CSMD1: variants seen among roughly 807,000 people sequenced by gnomAD.
CSMD1 encodes CUB and Sushi multiple domains 1.
In CSMD1, 213 loss-of-function variants were observed where a neutral mutation model predicts 417.5. The observed-to-expected ratio is 0.51, with a 90% CI of 0.46 to 0.57. The LOEUF (loss-of-function observed/expected upper bound fraction) is 0.57. CSMD1 is among the 20% of genes least tolerant of loss of function. The pLI is 0.00. For missense variants in CSMD1, 6,923 were observed against 4,529.7 expected (o/e 1.53, Z -15.17); for synonymous variants, 2,862 against 1,736.8 (o/e 1.65, Z -16.11).
At chr8:4,289,000 C>T (rs567221861) in intron 3 of CSMD1, among the ~76,000 whole-genome samples, 1 of 152,208 alleles carries the variant, frequency 6.6e-6, no homozygotes, top group African/African-American at 2.4e-5. Context: ...AAAAACACAG[C>T]ACCATCTTTC....
chr8:2,957,473 C>G (rs765072957), intron 63 of CSMD1, among the ~76,000 whole-genome samples: 7 of 152,200 alleles, frequency 4.6e-5, no homozygotes, highest in Non-Finnish European at 7.3e-5. Flanking sequence ...TCCAGAGGCT[C>G]TGGTTCAAGG....
In CSMD1 at chr8:3,573,611, G is replaced by C. The variant is rs537512432; in HGVS notation, c.1344+1334C>G. On this transcript the variant is annotated intron_variant, in intron 10 of 69. Transcript: ENST00000635120. ...TAAAATAAGCCAACCAAAACCAAAG[G>C]CATCTGTGATGAACACTTTACGGAA... Among the ~76,000 whole-genome samples, 10 of 152,170 alleles carry C rather than the reference G, an allele frequency of 6.6e-5. No homozygotes were observed. In the East Asian group the frequency reaches 1.7e-3, roughly 26 times the overall value.
intron 2 of CSMD1, among the ~76,000 whole-genome samples, chr8:4,576,184 A>G (rs1229909965): frequency 6.6e-6 from 1 of 152,226 alleles, no homozygotes; most frequent in Non-Finnish European, 1.5e-5. Flanking sequence ...ACTAAGCTGT[A>G]TCAGCTCTGT....
intron 12 of CSMD1, among the ~76,000 whole-genome samples, chr8:3,413,421 G>A (rs1812939001): frequency 6.6e-6 from 1 of 152,180 alleles, no homozygotes; most frequent in South Asian, 2.1e-4. Flanking sequence ...TGTTTATCCT[G>A]ATGCATGGCT....
intron 1 of CSMD1, among the ~76,000 whole-genome samples, chr8:4,693,948 G>A (rs914414924): frequency 2.0e-5 from 3 of 152,164 alleles, no homozygotes; most frequent in African/African-American, 7.2e-5. Context: ...TATTGTCCAT[G>A]TCATCACATA....
At chr8:2,962,027 G>T (rs1384830116) in intron 61 of CSMD1, among the ~76,000 whole-genome samples, 1 of 152,004 alleles carries the variant, frequency 6.6e-6, no homozygotes, top group East Asian at 1.9e-4. Flanking sequence ...AAAATTAGTA[G>T]AACACCCATT....
At chr8:3,437,893 G>A (rs1284842046) in intron 12 of CSMD1, among the ~76,000 whole-genome samples, 1 of 152,028 alleles carries the variant, frequency 6.6e-6, no homozygotes, top group Non-Finnish European at 1.5e-5. Context: ...GATTACAGGT[G>A]TGTGTCACCA....
intron 3 of CSMD1, among the ~76,000 whole-genome samples, chr8:4,402,817 TTTTC>T (rs1804737233): frequency 1.6e-5 from 1 of 63,798 alleles, no homozygotes; most frequent in African/African-American, 5.1e-5. Context: ...TTTTTTTTTT[TTTTC>T]TTTTTTTTTT....
chr8:4,348,583 A>T (rs1024060749), intron 3 of CSMD1, among the ~76,000 whole-genome samples: 1 of 121,578 alleles, frequency 8.2e-6, no homozygotes, highest in South Asian at 2.9e-4. Context: ...GTGTGTGTGT[A>T]TGCATGTGTG....
intron 3 of CSMD1, among the ~76,000 whole-genome samples, chr8:4,308,262 G>T (rs946317301): frequency 6.6e-6 from 1 of 152,076 alleles, no homozygotes; most frequent in Non-Finnish European, 1.5e-5. Context: ...ATGTGTGTGT[G>T]TGTCTGTTGT....
At position 2,973,256 on chromosome 8, in the gene CSMD1, A is replaced by T; in HGVS notation, c.8784T>A (p.His2928Gln). 6.2e-7 allele frequency: 1 copy of T among 1,613,920 alleles called. No individual in the cohort carries two copies. Among genetic ancestry groups the T allele is most frequent in the Non-Finnish European group, 8.5e-7 (1 of 1,179,860 alleles). Residue 2928 changes from histidine to glutamine, a missense_variant, in exon 57 of 70, where the codon CAT becomes CAA. Coordinates refer to ENST00000635120, the MANE Select transcript of CSMD1 (RefSeq NM_033225.6). ...TAAAGTCATCACCAAGCCGAGACCCATGTGCTGGGGTCCCCGGATCACCAC... is the reference window on the plus strand; with the variant it reads ...TAAAGTCATCACCAAGCCGAGACCCTTGTGCTGGGGTCCCCGGATCACCAC... ...GFCGDPGTPA[H>Q]GSRLGDDFKT... is the part of the protein sequence containing the mutation.
At chr8:3,379,069 G>A (rs1349325615) in intron 18 of CSMD1, among the ~76,000 whole-genome samples, 1 of 152,162 alleles carries the variant, frequency 6.6e-6, no homozygotes, top group African/African-American at 2.4e-5. Flanking sequence ...CAATATCAAT[G>A]TGCGAAAAGC....
intron 5 of CSMD1, among the ~76,000 whole-genome samples, chr8:3,937,481 C>G (rs1810579694): frequency 6.6e-6 from 1 of 152,062 alleles, no homozygotes; most frequent in Admixed American, 6.6e-5. Flanking sequence ...GACCTTCCAC[C>G]AGCAAAAAGA....
intron 1 of CSMD1, among the ~76,000 whole-genome samples, chr8:4,675,626 TA>T (rs11292669): frequency 0.03 from 4,499 of 152,180 alleles, 184 homozygotes; most frequent in African/African-American, 0.094. Flanking sequence ...AGAATAAACA[TA>T]AAAAAAGTAA....
chr8:3,240,021 A>C (rs142418205), intron 26 of CSMD1, among the ~76,000 whole-genome samples: 1 of 151,578 alleles, frequency 6.6e-6, no homozygotes, highest in African/African-American at 2.4e-5. Context: ...AGTTATGAGA[A>C]CTGTAGAGAG....
At chr8:3,009,007 A>G (rs148567704) in intron 52 of CSMD1, among the ~76,000 whole-genome samples, 4 of 152,314 alleles carry the variant, frequency 2.6e-5, no homozygotes, top group African/African-American at 4.8e-5. Context: ...AATGTAATAA[A>G]GTTCCACTGT....
At position 3,224,470 on chromosome 8, in the gene CSMD1, C is replaced by T. The variant is rs1798384658; in HGVS notation, c.4346-603G>A. Among the ~76,000 whole-genome samples, 3 of 152,184 alleles carry T rather than the reference C, an allele frequency of 2.0e-5. No homozygotes were observed. The South Asian group carries it at 6.2e-4, about 32-fold the overall frequency. On this transcript the variant is annotated intron_variant, in intron 27 of 69. Transcript: ENST00000635120. ...CATGGCATTTCACATTCTCCCAGTC[C>T]CCTGGTGTATGGAAGGCTTGAATTA...
chr8:3,806,425 T>C (rs904999990), intron 5 of CSMD1, among the ~76,000 whole-genome samples: 1 of 152,192 alleles, frequency 6.6e-6, no homozygotes, highest in Admixed American at 6.5e-5. Context: ...AGCATCCTGA[T>C]ACGGCCATGG....
At chr8:4,920,958 GAAAGAAAGAAAGAAAGAAAGAAAC>G (rs200503822) in intron 1 of CSMD1, among the ~76,000 whole-genome samples, 4,670 of 13,564 alleles carry the variant, frequency 0.34, 684 homozygotes, top group East Asian at 0.45. Flanking sequence ...AAGAAAGAAA[GAAAGAAAGAAAGAAAGAAAGAAAC>G]AAAGAAAGAA....
Sources: gnomAD v4.1 joint callset for allele counts (sites outside exome capture counted in the v4.1 genomes callset) on GRCh38, gnomAD v4.1.1 for gene constraint, MANE v1.5 for transcripts, NCBI Gene and HGNC (gene_info 2026-07-23, HGNC 2026-07-21) for gene names.